MDGA2: variants seen among roughly 807,000 people sequenced by gnomAD.
MDGA2 encodes MAM domain-containing glycosylphosphatidylinositol anchor protein 2.
In MDGA2, 40 loss-of-function variants were observed where a neutral mutation model predicts 117.8. The ratio of observed to expected loss-of-function variants is 0.34; its 90% CI spans 0.26 to 0.44. MDGA2 has a LOEUF of 0.44. Ranked by LOEUF, MDGA2 falls within the 20% of genes least tolerant of loss-of-function variation. The pLI is 1.00. For missense variants in MDGA2, 1,123 were observed against 1,250.6 expected (o/e 0.90, Z 1.54); for synonymous variants, 452 against 439.0 (o/e 1.03, Z -0.37).
intron 9 of MDGA2, among the ~76,000 whole-genome samples, chr14:46,943,523 T>C (rs1163470645): frequency 6.6e-6 from 1 of 152,084 alleles, no homozygotes; most frequent in Non-Finnish European, 1.5e-5. Context: ...GATTTTTATA[T>C]GGCTTAAAGT....
At chr14:47,451,566 T>C (rs1447672107) in intron 1 of MDGA2, among the ~76,000 whole-genome samples, 2 of 152,112 alleles carry the variant, frequency 1.3e-5, no homozygotes, top group Non-Finnish European at 2.9e-5. Context: ...AATGTATATG[T>C]GACAGTCTAC....
At chr14:47,320,359 G>T (rs1311052685) in intron 1 of MDGA2, among the ~76,000 whole-genome samples, 1 of 151,994 alleles carries the variant, frequency 6.6e-6, no homozygotes, top group Non-Finnish European at 1.5e-5. Flanking sequence ...CTCCAGCCTG[G>T]GTGACAGAGA....
chr14:47,045,244 G>A (rs1889215020), intron 7 of MDGA2, among the ~76,000 whole-genome samples: 1 of 152,130 alleles, frequency 6.6e-6, no homozygotes, highest in Admixed American at 6.5e-5. Flanking sequence ...TTCAGCTAAG[G>A]TTGCTAAGGT....
At chr14:47,526,536 C>T (rs140003309) in intron 1 of MDGA2, among the ~76,000 whole-genome samples, 1 of 152,158 alleles carries the variant, frequency 6.6e-6, no homozygotes, top group Non-Finnish European at 1.5e-5. Flanking sequence ...TAACTTCTCT[C>T]TCCCCAGGAC....
chr14:47,561,175 G>GTTTTTTTTTTTT (rs150826944), intron 1 of MDGA2, among the ~76,000 whole-genome samples: 5 of 69,392 alleles, frequency 7.2e-5, no homozygotes, highest in Non-Finnish European at 1.1e-4. Flanking sequence ...TTTTTTGTTT[G>GTTTTTTTTTTTT]TTTGTTTTTT....
intron 1 of MDGA2, among the ~76,000 whole-genome samples, chr14:47,659,509 TA>T (rs1157658123): frequency 3.9e-5 from 6 of 152,232 alleles, no homozygotes; most frequent in Non-Finnish European, 8.8e-5. Flanking sequence ...TTTAGGTTCA[TA>T]AGATATTTTA....
chr14:47,544,314 T>C (rs559224355), intron 1 of MDGA2, among the ~76,000 whole-genome samples: 55 of 152,336 alleles, frequency 3.6e-4, no homozygotes, highest in Non-Finnish European at 7.1e-4. Flanking sequence ...AGGTAAAATA[T>C]ACAATTTTCC....
intron 5 of MDGA2, among the ~76,000 whole-genome samples, chr14:47,121,149 A>C (rs1881629376): frequency 6.6e-6 from 1 of 152,124 alleles, no homozygotes; most frequent in Non-Finnish European, 1.5e-5. Flanking sequence ...TGTAACTTGG[A>C]GATGTATCCT....
At chr14:47,149,275 G>C (rs1205246915) in intron 3 of MDGA2, among the ~76,000 whole-genome samples, 1 of 152,142 alleles carries the variant, frequency 6.6e-6, no homozygotes, top group Non-Finnish European at 1.5e-5. Context: ...GGGGGACAGA[G>C]TGAGACTCTG....
At chr14:47,269,901 T>G (rs1043477262) in intron 2 of MDGA2, among the ~76,000 whole-genome samples, 2 of 152,132 alleles carry the variant, frequency 1.3e-5, no homozygotes, top group African/African-American at 4.8e-5. Context: ...AACACCAATA[T>G]TTTTTCCCCT....
intron 8 of MDGA2, among the ~76,000 whole-genome samples, chr14:46,976,336 A>C (rs559442990): frequency 6.6e-6 from 1 of 152,134 alleles, no homozygotes; most frequent in Non-Finnish European, 1.5e-5. Context: ...TCAATGAACC[A>C]CTGTTACAGA....
chr14:47,441,476 T>G (rs1315630723), intron 1 of MDGA2, among the ~76,000 whole-genome samples: 1 of 152,170 alleles, frequency 6.6e-6, no homozygotes, highest in African/African-American at 2.4e-5. Context: ...AGTAAAGCAA[T>G]TTTTTAAACA....
rs532869576 is a variant in MDGA2, at chr14:46,943,895, C to T, written c.2089+13479G>A. On this transcript the variant is annotated intron_variant, in intron 9 of 16. Coordinates refer to ENST00000399232, the MANE Select transcript of MDGA2 (RefSeq NM_001113498.3). ...AGCATGAAAGCAGCTTTAGACAATA[C>T]ATAAACAAATCAGGAAAGGTGTGTT... is the stretch of plus-strand genomic sequence containing the variant. Among the ~76,000 whole-genome samples, 3 of 151,970 alleles carry T rather than the reference C, an allele frequency of 2.0e-5. No individual in the cohort carries two copies. The South Asian group carries it at 6.2e-4, about 31-fold the overall frequency.
chr14:47,174,497 C>T (rs1469917725), intron 3 of MDGA2, among the ~76,000 whole-genome samples: 3 of 152,170 alleles, frequency 2.0e-5, no homozygotes, highest in Non-Finnish European at 4.4e-5. Flanking sequence ...AAGAAACTCA[C>T]TCAAAACCGC....
chr14:47,636,026 A>T (rs1897314503), intron 1 of MDGA2, among the ~76,000 whole-genome samples: 1 of 152,202 alleles, frequency 6.6e-6, no homozygotes, highest in Admixed American at 6.5e-5. Flanking sequence ...AAAATGCTCG[A>T]GCAACTAAGA....
chr14:46,874,230 TAATTA>T, intron 12 of MDGA2, 30 bp from the exon 13 acceptor site: 4 of 1,097,298 alleles, frequency 3.6e-6, no homozygotes, highest in Non-Finnish European at 4.9e-6. Context: ...AAATTAATAT[TAATTA>T]AATTAATACA....
chr14:47,397,153 A>T (rs757162146), intron 1 of MDGA2, among the ~76,000 whole-genome samples: 8 of 152,318 alleles, frequency 5.3e-5, no homozygotes, highest in Non-Finnish European at 1.2e-4. Flanking sequence ...ATGCAGCCAA[A>T]AAAAAGGATG....
At chr14:46,844,062 T>C (rs1172501043) in intron 16 of MDGA2, among the ~76,000 whole-genome samples, 1 of 152,186 alleles carries the variant, frequency 6.6e-6, no homozygotes, top group East Asian at 1.9e-4. Flanking sequence ...TGTGCATTAT[T>C]CATCATGTTT....
At chr14:46,992,314 T>C (rs1298344769) in intron 8 of MDGA2, among the ~76,000 whole-genome samples, 1 of 152,196 alleles carries the variant, frequency 6.6e-6, no homozygotes, top group East Asian at 1.9e-4. Flanking sequence ...TATATTTTTA[T>C]TCAAAAGCAA....
Sources: gnomAD v4.1 joint callset for allele counts (sites outside exome capture counted in the v4.1 genomes callset) on GRCh38, gnomAD v4.1.1 for gene constraint, MANE v1.5 for transcripts, NCBI Gene and HGNC (gene_info 2026-07-23, HGNC 2026-07-21) for gene names.